Variants in MTHFD1 observed in about 807,000 individuals in gnomAD.
MTHFD1 encodes methylenetetrahydrofolate dehydrogenase, cyclohydrolase and formyltetrahydrofolate synthetase 1.
MTHFD1 carries 44 observed loss-of-function variants against 110.3 expected under a neutral mutation model. The observed-to-expected ratio is 0.40, with a 90% CI of 0.31 to 0.51. The LOEUF (loss-of-function observed/expected upper bound fraction) is 0.51, where lower values mean the gene tolerates loss of function less well. Among genes scored for constraint, MTHFD1 ranks in the 20% least tolerant of loss-of-function variants. The pLI is 0.60. For synonymous variants in MTHFD1, 402 were observed against 428.8 expected (o/e 0.94, Z 0.77); for missense variants, 909 against 1,173.1 (o/e 0.77, Z 3.29).
intron 2 of MTHFD1, among the ~76,000 whole-genome samples, chr14:64,405,564 C>T (rs985607448): frequency 3.3e-5 from 5 of 152,156 alleles, no homozygotes; most frequent in South Asian, 2.1e-4. Context: ...AGCCTGAGGC[C>T]GTCTCCTTAG....
intron 18 of MTHFD1, chr14:64,441,048 C>A (rs1256141): frequency 2.9e-6 from 1 of 345,020 alleles, no homozygotes; most frequent in Non-Finnish European, 5.7e-6. Flanking sequence ...AAAAATTAGC[C>A]GGGCATAGTG....
rs752243365 is a variant in MTHFD1 at position 64,415,660 on chromosome 14, G to A, written c.399G>A (p.Gly133=). The A allele has an allele frequency of 2.5e-6, 4 of 1,612,904 alleles. No individual in the cohort carries two copies. Among genetic ancestry groups the A allele is most frequent in the South Asian group, 1.1e-5 (1 of 91,036 alleles). ...TAAGATTGACTAGCATCAATGCTGG[G>A]AAACTTGCTAGAGGTGACCTCAATG... ...DVDGLTSINA[G]KLARGDLNDC... is the part of the protein sequence containing the mutation. The change falls in exon 6 of 28, where the codon GGG becomes GGA. Residue 133 remains glycine, a synonymous_variant. Coordinates refer to ENST00000652337, the MANE Select transcript of MTHFD1 (RefSeq NM_005956.4).
intron 10 of MTHFD1, 60 bp from the exon 11 acceptor site, chr14:64,425,959 C>T: frequency 6.2e-7 from 1 of 1,604,442 alleles, no homozygotes; most frequent in Non-Finnish European, 8.5e-7. Flanking sequence ...CTTGTTACTA[C>T]TGTGGGATTA....
At chr14:64,456,442 A>G (rs1044551074) in intron 26 of MTHFD1, among the ~76,000 whole-genome samples, 2 of 152,190 alleles carry the variant, frequency 1.3e-5, no homozygotes, top group African/African-American at 4.8e-5. Context: ...GCGTACACAT[A>G]ATATTGTCTT....
chr14:64,431,740 A>G (rs751452255), intron 14 of MTHFD1, 47 bp from the exon 15 acceptor site: 1 of 1,601,806 alleles, frequency 6.2e-7, no homozygotes, highest in African/African-American at 1.3e-5. Context: ...GCAGGTAGCA[A>G]AGCAGTGGGG....
Position 64,421,042 on chromosome 14 carries a change from C to G in MTHFD1, c.727+1117C>G, listed in dbSNP as rs146420790. Among the ~76,000 whole-genome samples, 79 of 152,342 alleles carry G rather than the reference C, an allele frequency of 5.2e-4. 1 individual carries two copies. In the East Asian group the frequency reaches 0.014, roughly 28 times the overall value. ...CAATGCCAGGCCTTGGGCTACACAA[C>G]TGAATAAGGTTCAACTTCACCTTCA... On this transcript the variant is annotated intron_variant, in intron 8 of 27. Coordinates refer to ENST00000652337, the MANE Select transcript of MTHFD1 (RefSeq NM_005956.4).
chr14:64,431,515 C>T lies in MTHFD1; in HGVS notation c.1312-17C>T. The T allele has an allele frequency of 6.3e-7, 1 of 1,595,306 alleles. No homozygotes were observed. The highest frequency in any genetic ancestry group is 8.6e-7 in the Non-Finnish European group (1 of 1,163,350). ...CAGAGCAGCTGGGAGACTAATGTGG[C>T]TTCTGTTCTTTTGTAGTTTAATCTC... On this transcript the variant is annotated splice_polypyrimidine_tract_variant and intron_variant, in intron 13 of 27. Coordinates refer to ENST00000652337, the MANE Select transcript of MTHFD1 (RefSeq NM_005956.4).
intron 19 of MTHFD1, 194 bp from the exon 20 acceptor site, chr14:64,441,860 T>G: frequency 1.5e-6 from 1 of 658,320 alleles, no homozygotes; most frequent in Non-Finnish European, 2.7e-6. Flanking sequence ...CCTTCTCCAC[T>G]TGCTCATCTC....
intron 24 of MTHFD1, among the ~76,000 whole-genome samples, chr14:64,450,838 G>C (rs2078359223): frequency 6.6e-6 from 1 of 152,076 alleles, no homozygotes; most frequent in Non-Finnish European, 1.5e-5. Context: ...CCCCTGAGTA[G>C]GTGGGACCAC....
Position 64,403,941 on chromosome 14 carries a change from T to A in MTHFD1, c.126+3064T>A, listed in dbSNP as rs79578527. 9.0e-3 allele frequency among the ~76,000 whole-genome samples: 1,366 copies of A among 152,332 alleles called. 10 individuals are homozygous for A. The highest frequency in any genetic ancestry group is 0.023 in the South Asian group (111 of 4,830). On this transcript the variant is annotated intron_variant, in intron 2 of 27. Coordinates refer to ENST00000652337, the MANE Select transcript of MTHFD1 (RefSeq NM_005956.4). ...TAGTTTTACTGGGAGTGTGTGGTAG[T>A]GAAGGATACCTTGACTACTAGTCCA... is the stretch of plus-strand genomic sequence containing the variant.
At chr14:64,390,838 G>A (rs1032902645) in intron 1 of MTHFD1, among the ~76,000 whole-genome samples, 1 of 152,060 alleles carries the variant, frequency 6.6e-6, no homozygotes, top group Admixed American at 6.6e-5. Context: ...TAGTAGAGAC[G>A]GGCTTTCACC....
At chr14:64,397,168 T>TATATATATAA (rs2077861076) in intron 1 of MTHFD1, among the ~76,000 whole-genome samples, 1 of 18,788 alleles carries the variant, frequency 5.3e-5, no homozygotes, top group Non-Finnish European at 9.3e-5. Context: ...TATATATATA[T>TATATATATAA]ATATATATAT....
chr14:64,435,182 C>G (rs1461953662), intron 15 of MTHFD1, among the ~76,000 whole-genome samples: 4 of 151,850 alleles, frequency 2.6e-5, no homozygotes, highest in African/African-American at 9.7e-5. Flanking sequence ...AACTCCTGAC[C>G]TCAGGTGATC....
At chr14:64,428,535 G>T in intron 12 of MTHFD1, among the ~76,000 whole-genome samples, 1 of 147,952 alleles carries the variant, frequency 6.8e-6, no homozygotes, top group Non-Finnish European at 1.5e-5. Flanking sequence ...TTGACACCGG[G>T]AACACCTTCA....
intron 15 of MTHFD1, among the ~76,000 whole-genome samples, chr14:64,434,949 CTTTTTT>C (rs374039248): frequency 1.1e-3 from 86 of 80,852 alleles, no homozygotes; most frequent in African/African-American, 3.6e-3. Context: ...TCCCTCTTTT[CTTTTTT>C]TTTTTTTTTT....
intron 1 of MTHFD1, 57 bp from the exon 2 acceptor site, chr14:64,400,736 T>A (rs2077889115): frequency 1.9e-6 from 2 of 1,054,128 alleles, no homozygotes; most frequent in Non-Finnish European, 3.0e-6. Context: ...ATAATCTGCA[T>A]CACTTATTTG....
At position 64,415,495 on chromosome 14, in the gene MTHFD1, G is replaced by A; in HGVS notation, c.377+1G>A. 6.2e-7 allele frequency: 1 copy of A among 1,614,140 alleles called. No individual in the cohort carries two copies. The highest frequency in any genetic ancestry group is 8.5e-7 in the Non-Finnish European group (1 of 1,180,000). Reference sequence around the variant, plus strand: ...TTGCACCCGAGAAGGATGTGGATGGGTAAGTGTGGCTTGGCTTCCTATGTC... The same window carrying A: ...TTGCACCCGAGAAGGATGTGGATGGATAAGTGTGGCTTGGCTTCCTATGTC... On this transcript the variant is annotated splice_donor_variant, in intron 5 of 27. Coordinates refer to ENST00000652337, the MANE Select transcript of MTHFD1 (RefSeq NM_005956.4). LOFTEE classifies it high-confidence loss of function.
intron 21 of MTHFD1, among the ~76,000 whole-genome samples, chr14:64,443,145 C>A (rs1596553544): frequency 6.6e-6 from 1 of 152,120 alleles, no homozygotes; most frequent in East Asian, 1.9e-4. Context: ...GGATAAAAAT[C>A]AAATTTGTTT....
At chr14:64,456,451 T>A (rs938374623) in intron 26 of MTHFD1, among the ~76,000 whole-genome samples, 1 of 152,170 alleles carries the variant, frequency 6.6e-6, no homozygotes, top group Non-Finnish European at 1.5e-5. Flanking sequence ...TAATATTGTC[T>A]TTTTTTGTAT....
Sources: allele counts gnomAD v4.1 joint callset (sites outside exome capture counted in the v4.1 genomes callset), GRCh38; gene constraint gnomAD v4.1.1; transcripts MANE v1.5; gene names NCBI Gene and HGNC (gene_info 2026-07-23, HGNC 2026-07-21).